FANK1: variants seen among roughly 807,000 people sequenced by gnomAD.
FANK1 encodes the protein fibronectin type III and ankyrin repeat domains 1.
FANK1 carries 44 observed loss-of-function variants against 45.3 expected under a neutral mutation model. That is an observed-to-expected ratio of 0.97 (90% CI 0.76 to 1.25). The LOEUF is 1.25. FANK1 is among the 50% of genes most tolerant of loss of function. The pLI is 0.00. For synonymous variants in FANK1, 149 were observed against 152.5 expected, an observed-to-expected ratio of 0.98 and a Z score of 0.17; for missense variants, 391 against 424.4, an observed-to-expected ratio of 0.92 and a Z score of 0.69.
intron 1 of FANK1, among the ~76,000 whole-genome samples, chr10:125,913,643 C>T (rs796840002): frequency 6.6e-6 from 1 of 152,198 alleles, no homozygotes; most frequent in Non-Finnish European, 1.5e-5. Flanking sequence ...TTGGCACCAA[C>T]AACATGGTTA....
chr10:125,937,946 G>A (rs1174601642), intron 1 of FANK1, among the ~76,000 whole-genome samples: 1 of 152,044 alleles, frequency 6.6e-6, no homozygotes, highest in Non-Finnish European at 1.5e-5. Context: ...CATTTACAAA[G>A]ACGGAAAAAA....
rs1004936465 is a variant in FANK1, at chr10:125,989,476, G to A, written c.316+801G>A. The A allele has an allele frequency of 1.0e-4, 99 of 943,246 alleles. No individual in the cohort carries two copies. In the East Asian group the frequency reaches 2.6e-3, roughly 25 times the overall value. The allele number at this position is 943,246 out of a possible 1,614,324, so 58.4% of individuals were successfully genotyped here. ...TGTGCTTTCCATGGCTTTCAACTGT[G>A]TCCTTTAGGCATTTCTTCATTACAA... is the stretch of plus-strand genomic sequence containing the variant. On this transcript the variant is annotated intron_variant, in intron 3 of 10. Transcript: ENST00000368693.
intron 6 of FANK1, among the ~76,000 whole-genome samples, chr10:126,002,763 C>CTTTTT (rs375158618): frequency 8.0e-5 from 9 of 113,192 alleles, no homozygotes; most frequent in Non-Finnish European, 1.2e-4. Context: ...TTTGCCTCTC[C>CTTTTT]TTTTTTTTTT....
At chr10:125,903,922 T>C (rs1363228153) in intron 1 of FANK1, among the ~76,000 whole-genome samples, 1 of 151,852 alleles carries the variant, frequency 6.6e-6, no homozygotes, top group Non-Finnish European at 1.5e-5. Flanking sequence ...CAAGCTAGGC[T>C]CACTGCAACC....
chr10:125,928,665 A>AC (rs2134139018), intron 1 of FANK1, among the ~76,000 whole-genome samples: 1 of 152,254 alleles, frequency 6.6e-6, no homozygotes, highest in East Asian at 1.9e-4. Flanking sequence ...GATGTATAGT[A>AC]GTATCTCATG....
At chr10:125,962,682 T>C (rs1206340172) in intron 1 of FANK1, among the ~76,000 whole-genome samples, 1 of 152,168 alleles carries the variant, frequency 6.6e-6, no homozygotes, top group Non-Finnish European at 1.5e-5. Context: ...CATGTTTTTA[T>C]CTTCTCGAAG....
chr10:125,978,537 C>T (rs1950992112), intron 1 of FANK1, among the ~76,000 whole-genome samples: 1 of 152,050 alleles, frequency 6.6e-6, no homozygotes, highest in African/African-American at 2.4e-5. Context: ...CTAGAGGCCC[C>T]AGTTGGAAGG....
chr10:126,001,620 T>G (rs754722444), intron 6 of FANK1, among the ~76,000 whole-genome samples: 1 of 152,140 alleles, frequency 6.6e-6, no homozygotes, highest in African/African-American at 2.4e-5. Flanking sequence ...GGAATTCTTA[T>G]AGAGCAGCAG....
chr10:125,954,772 T>C (rs545906213), intron 1 of FANK1, among the ~76,000 whole-genome samples: 1 of 152,142 alleles, frequency 6.6e-6, no homozygotes, highest in African/African-American at 2.4e-5. Context: ...ATATAAAAAT[T>C]AGCCGGGCCC....
At chr10:125,947,808 T>C (rs919900942) in intron 1 of FANK1, among the ~76,000 whole-genome samples, 9 of 127,472 alleles carry the variant, frequency 7.1e-5, no homozygotes, top group Admixed American at 2.3e-4. Flanking sequence ...CAACAGAATA[T>C]ACATTTTTTT....
chr10:125,904,885 G>A (rs1432830347), intron 1 of FANK1, among the ~76,000 whole-genome samples: 3 of 152,026 alleles, frequency 2.0e-5, no homozygotes, highest in African/African-American at 7.2e-5. Flanking sequence ...CAGCCCTTTG[G>A]GAGGCCGAGG....
intron 1 of FANK1, among the ~76,000 whole-genome samples, chr10:125,946,102 A>G (rs1188226383): frequency 6.6e-6 from 1 of 152,248 alleles, no homozygotes; most frequent in African/African-American, 2.4e-5. Flanking sequence ...TCGAAAACCC[A>G]TCTGTACATC....
At chr10:126,001,245 A>T (rs1312869049) in intron 6 of FANK1, among the ~76,000 whole-genome samples, 1 of 152,258 alleles carries the variant, frequency 6.6e-6, no homozygotes. Context: ...GTTATGATAC[A>T]TTCATATGAT....
intron 1 of FANK1, among the ~76,000 whole-genome samples, chr10:125,935,518 T>G (rs1948038904): frequency 6.6e-6 from 1 of 152,220 alleles, no homozygotes; most frequent in Non-Finnish European, 1.5e-5. Flanking sequence ...CAGTCTCAAT[T>G]GGGGCAAATC....
chr10:125,956,205 G>GGT (rs938707278), intron 1 of FANK1, among the ~76,000 whole-genome samples: 12 of 146,110 alleles, frequency 8.2e-5, no homozygotes, highest in Admixed American at 6.8e-4. Flanking sequence ...CATTTTTTGG[G>GGT]GGGGGGGCGG....
chr10:125,955,505 G>C (rs956237180), intron 1 of FANK1, among the ~76,000 whole-genome samples: 1 of 152,088 alleles, frequency 6.6e-6, no homozygotes, highest in South Asian at 2.1e-4. Context: ...TTTTCAGACA[G>C]GGTCTTGCTG....
At chr10:125,978,207 G>A (rs572591351) in intron 1 of FANK1, among the ~76,000 whole-genome samples, 63 of 150,870 alleles carry the variant, frequency 4.2e-4, no homozygotes, top group African/African-American at 1.5e-3. Flanking sequence ...TGGGAGCTTC[G>A]TCCCAGGGAG....
intron 1 of FANK1, among the ~76,000 whole-genome samples, chr10:125,948,936 C>T (rs1221728935): frequency 2.0e-5 from 3 of 146,532 alleles, no homozygotes; most frequent in Non-Finnish European, 4.5e-5. Flanking sequence ...AAGTGGGCTT[C>T]ATCCCTGGGA....
chr10:125,918,510 G>A (rs184601469), intron 1 of FANK1, among the ~76,000 whole-genome samples: 2,483 of 119,736 alleles, frequency 0.021, 45 homozygotes, highest in African/African-American at 0.073. Context: ...AGCTGAGATC[G>A]CACCACTACT....
Sources: allele counts gnomAD v4.1 joint callset (sites outside exome capture counted in the v4.1 genomes callset), GRCh38; gene constraint gnomAD v4.1.1; transcripts MANE v1.5; gene names NCBI Gene and HGNC (gene_info 2026-07-23, HGNC 2026-07-21).